ST18: variants seen among roughly 807,000 people sequenced by gnomAD.
ST18 encodes the protein ST18 C2H2C-type zinc finger transcription factor.
Under a neutral mutation model 110.0 loss-of-function variants are expected in ST18, and 50 were observed. That is an observed-to-expected ratio of 0.45 (90% CI 0.36 to 0.58). ST18 has a LOEUF of 0.58. Ranked by LOEUF, ST18 falls within the 20% of genes least tolerant of loss-of-function variation. The pLI is 0.00. For missense variants in ST18, 1,306 were observed against 1,280.1 expected (o/e 1.02, Z -0.31); for synonymous variants, 461 against 452.4 (o/e 1.02, Z -0.24).
At chr8:52,123,646 A>G (rs1009738028) in intron 23 of ST18, among the ~76,000 whole-genome samples, 13 of 152,230 alleles carry the variant, frequency 8.5e-5, no homozygotes, top group Admixed American at 4.6e-4. Flanking sequence ...ACACTTGTCA[A>G]TGGGTTCAAC....
chr8:52,256,590 T>A (rs1257236447), intron 2 of ST18, among the ~76,000 whole-genome samples: 2 of 152,154 alleles, frequency 1.3e-5, no homozygotes, highest in Non-Finnish European at 2.9e-5. Flanking sequence ...ATGAAATGAA[T>A]CCCTATACTG....
chr8:52,266,917 C>A (rs79207279), intron 2 of ST18, among the ~76,000 whole-genome samples: 2,194 of 152,210 alleles, frequency 0.014, 28 homozygotes, highest in Non-Finnish European at 0.023. Context: ...CAGCCCTGTG[C>A]CTCTGGGTCA....
At position 52,158,928 on chromosome 8, in the gene ST18, G is replaced by C. The variant is rs754282904; in HGVS notation, c.1776C>G (p.Leu592=). 5.6e-6 allele frequency: 9 copies of C among 1,614,018 alleles called. No individual in the cohort carries two copies. The highest frequency in any genetic ancestry group is 7.6e-6 in the Non-Finnish European group (9 of 1,179,902). The change falls in exon 15 of 26, where the codon CTC becomes CTG. Residue 592 remains leucine, a synonymous_variant. Coordinates refer to ENST00000689386, the MANE Select transcript of ST18 (RefSeq NM_001352837.2). ...CATGCAGACTCTGTGGCTTGTTGGA[G>C]AGGATGTCTGTGGCTTCCCTGCAGC... ...STRCREATDI[L]SNKPQSLHAK...
intron 2 of ST18, among the ~76,000 whole-genome samples, chr8:52,376,468 CAA>C (rs1189325018): frequency 6.6e-6 from 1 of 152,202 alleles, no homozygotes. Flanking sequence ...ATGTAGCCCA[CAA>C]TGACTACTTA....
chr8:52,143,674 C>T (rs577696946), intron 16 of ST18, among the ~76,000 whole-genome samples: 1 of 152,148 alleles, frequency 6.6e-6, no homozygotes, highest in African/African-American at 2.4e-5. Flanking sequence ...TAGTATATTT[C>T]AAGGTTTCTT....
chr8:52,227,504 T>C (rs2089900015), intron 3 of ST18, among the ~76,000 whole-genome samples: 1 of 152,144 alleles, frequency 6.6e-6, no homozygotes, highest in African/African-American at 2.4e-5. Flanking sequence ...AATAAAGCAA[T>C]GTCCCCAAAG....
intron 7 of ST18, 114 bp from the exon 8 acceptor site, chr8:52,212,223 TG>T: frequency 1.1e-6 from 1 of 948,982 alleles, no homozygotes; most frequent in Non-Finnish European, 1.6e-6. Flanking sequence ...TCTCACTGGG[TG>T]GGTTCATCTT....
intron 2 of ST18, among the ~76,000 whole-genome samples, chr8:52,271,463 C>A (rs771903313): frequency 2.0e-5 from 3 of 152,148 alleles, no homozygotes; most frequent in Non-Finnish European, 4.4e-5. Flanking sequence ...TCAATACCAC[C>A]ACTTTGTATC....
chr8:52,274,303 A>G (rs1261983910), intron 2 of ST18, among the ~76,000 whole-genome samples: 1 of 152,182 alleles, frequency 6.6e-6, no homozygotes, highest in Non-Finnish European at 1.5e-5. Context: ...AAAGGTTAAC[A>G]TAAAATATGT....
intron 2 of ST18, among the ~76,000 whole-genome samples, chr8:52,354,084 A>G (rs1447030246): frequency 6.6e-6 from 1 of 152,240 alleles, no homozygotes; most frequent in Admixed American, 6.5e-5. Flanking sequence ...AAAAGTTTGA[A>G]TCACTGTCAT....
intron 2 of ST18, among the ~76,000 whole-genome samples, chr8:52,388,889 A>G (rs532485337): frequency 1.3e-4 from 20 of 150,776 alleles, no homozygotes; most frequent in South Asian, 4.2e-4. Flanking sequence ...TGGGTGCAGC[A>G]CACCAGCATG....
rs533582741 is a variant in ST18, at chr8:52,121,982, A to G, written c.2756-3541T>C. ...TGCCTCAGCCTCCTGAGTAGCTGAG[A>G]CTACAGGCGTACGCCACCATGCCCA... On this transcript the variant is annotated intron_variant, in intron 23 of 25. Coordinates refer to ENST00000689386, the MANE Select transcript of ST18 (RefSeq NM_001352837.2). 7.9e-5 allele frequency among the ~76,000 whole-genome samples: 12 copies of G among 152,278 alleles called. No homozygotes were observed. In the East Asian group the frequency reaches 2.3e-3, roughly 29 times the overall value.
intron 2 of ST18, among the ~76,000 whole-genome samples, chr8:52,388,820 TG>T (rs755222504): frequency 2.4e-4 from 8 of 32,968 alleles, no homozygotes; most frequent in South Asian, 1.2e-3. Flanking sequence ...TGTTGTGGGG[TG>T]GGGGGAGGGG....
rs372369236 is a variant in ST18 at position 52,335,533 on chromosome 8, A to G, written c.-465+73795T>C. Among the ~76,000 whole-genome samples, 44 of 152,344 alleles carry G rather than the reference A, an allele frequency of 2.9e-4. 2 individuals carry two copies. In the East Asian group the frequency reaches 4.8e-3, roughly 17 times the overall value. ...ACACAAATCAAAGCACGGATTTCAT[A>G]TATGTTTCATATATGCTTTATTCAC... On this transcript the variant is annotated intron_variant, in intron 2 of 25. Transcript: ENST00000689386.
intron 2 of ST18, among the ~76,000 whole-genome samples, chr8:52,261,497 T>C (rs1313388501): frequency 6.6e-6 from 1 of 152,238 alleles, no homozygotes; most frequent in African/African-American, 2.4e-5. Flanking sequence ...TTGTTCTATG[T>C]TAACTTCAAA....
chr8:52,241,387 G>T (rs957109225), intron 2 of ST18, among the ~76,000 whole-genome samples: 2 of 152,198 alleles, frequency 1.3e-5, no homozygotes, highest in African/African-American at 4.8e-5. Flanking sequence ...AGGAAAAATA[G>T]AATTGGCTAT....
At chr8:52,137,239 C>T (rs558043551) in intron 18 of ST18, among the ~76,000 whole-genome samples, 182 bp downstream of exon 18, 1 of 152,114 alleles carries the variant, frequency 6.6e-6, no homozygotes, top group East Asian at 1.9e-4. Context: ...ATCAGAAAAC[C>T]ATTTTGACCA....
chr8:52,221,635 C>T lies in ST18; in HGVS notation c.-265+5G>A, dbSNP rs1406793332. 6.6e-6 allele frequency: 1 copy of T among 152,210 alleles called. No individual in the cohort carries two copies. Among genetic ancestry groups the T allele is most frequent in the Non-Finnish European group, 1.5e-5 (1 of 68,042 alleles). 9.4% of individuals were successfully genotyped at this position (152,210 alleles called of 1,614,324 possible). On this transcript the variant is annotated splice_donor_5th_base_variant and intron_variant, in intron 4 of 25. Coordinates refer to ENST00000689386, the MANE Select transcript of ST18 (RefSeq NM_001352837.2). The stretch of plus-strand genomic sequence containing the variant: ...TTCTGATGTTTTAAAACACAAGCCA[C>T]CAACCTTTCTTGCAGAAAATTTCTA...
chr8:52,136,459 G>C (rs2052338903), intron 19 of ST18, 131 bp downstream of exon 19: 1 of 824,446 alleles, frequency 1.2e-6, no homozygotes, highest in African/African-American at 1.8e-5. Flanking sequence ...TAGTCAGAAA[G>C]TGCCTTTGCT....
Sources: allele counts gnomAD v4.1 joint callset (sites outside exome capture counted in the v4.1 genomes callset), GRCh38; gene constraint gnomAD v4.1.1; transcripts MANE v1.5; gene names NCBI Gene and HGNC (gene_info 2026-07-23, HGNC 2026-07-21).